Variants in HCN1 observed in about 807,000 individuals in gnomAD.
HCN1 encodes the protein hyperpolarization activated cyclic nucleotide gated potassium channel 1, also known as potassium/sodium hyperpolarization-activated cyclic nucleotide-gated channel 1.
A neutral mutation model predicts 78.9 loss-of-function variants in HCN1; 13 were observed. The observed-to-expected ratio is 0.16, with a 90% CI of 0.11 to 0.26. The LOEUF (loss-of-function observed/expected upper bound fraction) is 0.26. Among genes scored for constraint, HCN1 ranks in the 10% least tolerant of loss-of-function variants. The pLI, the probability that HCN1 is intolerant of heterozygous loss-of-function variation, is 1.00. For synonymous variants in HCN1, 552 were observed against 455.5 expected, an observed-to-expected ratio of 1.21 and a Z score of -2.70; for missense variants, 810 against 1,154.3, an observed-to-expected ratio of 0.70 and a Z score of 4.32.
At chr5:45,622,539 G>A (rs900870311) in intron 2 of HCN1, among the ~76,000 whole-genome samples, 12 of 152,214 alleles carry the variant, frequency 7.9e-5, no homozygotes, top group African/African-American at 2.6e-4. Context: ...GCTGGAGAGA[G>A]AGAGACAATT....
intron 2 of HCN1, among the ~76,000 whole-genome samples, chr5:45,472,258 C>T (rs2111653565): frequency 6.6e-6 from 1 of 151,948 alleles, no homozygotes; most frequent in Non-Finnish European, 1.5e-5. Flanking sequence ...CTTATTCATA[C>T]TCAAATGTTG....
Position 45,262,184 on chromosome 5 carries a change from G to C in HCN1, c.2410C>G (p.Pro804Ala). The C allele has an allele frequency of 6.2e-7, 1 of 1,614,050 alleles. No individual in the cohort carries two copies. The highest frequency in any genetic ancestry group is 8.5e-7 in the Non-Finnish European group (1 of 1,180,034). ...AGGGACTCGCCCACAGTGGGATGAG[G>C]TCTGGAAATCAGAGTGGACACCTCA... ...PHEVSTLISRPHPTVGESLAS... is the reference protein window; with the variant it reads ...PHEVSTLISRAHPTVGESLAS... Residue 804 changes from proline to alanine, a missense_variant, in exon 8 of 8, where the codon CCT becomes GCT. Physicochemically the swap from Pro to Ala is conservative, Grantham distance 27. Around this residue, in one of 6 missense-constraint regions of HCN1, gnomAD observed 398 missense variants for 381.3 expected, o/e 1.04. Coordinates refer to ENST00000303230, the MANE Select transcript of HCN1 (RefSeq NM_021072.4).
chr5:45,282,636 C>A (rs1745191361), intron 6 of HCN1, among the ~76,000 whole-genome samples: 1 of 152,192 alleles, frequency 6.6e-6, no homozygotes, highest in Non-Finnish European at 1.5e-5. Context: ...ATGTTTCCAA[C>A]TAGTACTGTC....
intron 6 of HCN1, among the ~76,000 whole-genome samples, 170 bp downstream of exon 6, chr5:45,303,429 G>A (rs975776204): frequency 6.6e-6 from 1 of 152,074 alleles, no homozygotes; most frequent in Non-Finnish European, 1.5e-5. Flanking sequence ...CACACACATT[G>A]AGCCTGTGAC....
At chr5:45,336,597 G>C (rs1419423947) in intron 5 of HCN1, among the ~76,000 whole-genome samples, 1 of 152,030 alleles carries the variant, frequency 6.6e-6, no homozygotes, top group East Asian at 1.9e-4. Flanking sequence ...TGTTTGATGA[G>C]TCATTGACAT....
chr5:45,469,274 A>G (rs1182057975), intron 2 of HCN1, among the ~76,000 whole-genome samples: 1 of 151,964 alleles, frequency 6.6e-6, no homozygotes, highest in African/African-American at 2.4e-5. Flanking sequence ...GCATAACCTC[A>G]TATGCTTAAT....
chr5:45,347,570 C>G (rs573742602), intron 5 of HCN1, among the ~76,000 whole-genome samples: 1 of 152,218 alleles, frequency 6.6e-6, no homozygotes, highest in African/African-American at 2.4e-5. Flanking sequence ...CTACTCCGAG[C>G]TACAGGAGGA....
chr5:45,425,838 TTAAC>T (rs1480503047), intron 3 of HCN1, among the ~76,000 whole-genome samples: 2 of 152,192 alleles, frequency 1.3e-5, no homozygotes, highest in East Asian at 1.9e-4. Context: ...GGCTGGCAGA[TTAAC>T]TAAGGGATTT....
At chr5:45,566,873 A>G (rs1743718263) in intron 2 of HCN1, among the ~76,000 whole-genome samples, 1 of 152,184 alleles carries the variant, frequency 6.6e-6, no homozygotes, top group Non-Finnish European at 1.5e-5. Flanking sequence ...AACTTTGAAC[A>G]AGGACAAGTC....
chr5:45,324,897 C>A (rs966294613), intron 5 of HCN1, among the ~76,000 whole-genome samples: 1 of 151,678 alleles, frequency 6.6e-6, no homozygotes, highest in South Asian at 2.1e-4. Context: ...AATAAAACAT[C>A]ATTATCTTGT....
intron 2 of HCN1, among the ~76,000 whole-genome samples, chr5:45,516,971 A>T (rs1742527106): frequency 6.6e-6 from 1 of 152,026 alleles, no homozygotes; most frequent in Non-Finnish European, 1.5e-5. Context: ...CAGGAGCAGA[A>T]GTCTGCAGAC....
intron 1 of HCN1, among the ~76,000 whole-genome samples, chr5:45,658,980 T>C (rs1321507243): frequency 1.3e-5 from 2 of 148,890 alleles, no homozygotes; most frequent in African/African-American, 2.5e-5. Flanking sequence ...CCTGCCTCTG[T>C]AGGCTCCACC....
At chr5:45,296,565 G>T (rs1745498700) in intron 6 of HCN1, among the ~76,000 whole-genome samples, 2 of 151,696 alleles carry the variant, frequency 1.3e-5, no homozygotes, top group Non-Finnish European at 2.9e-5. Flanking sequence ...TAGCAAAATA[G>T]ACTAAAGAAA....
rs1046776083 is a variant in HCN1, at chr5:45,686,804, G to A, written c.425+8865C>T. ...TACCCTGAAGGCCTTCCTCCAGAAC[G>A]CTTTGCTTTACCGCCCCAGTCTGGA... On this transcript the variant is annotated intron_variant, in intron 1 of 7. Coordinates refer to ENST00000303230, the MANE Select transcript of HCN1 (RefSeq NM_021072.4). 1.2e-4 allele frequency among the ~76,000 whole-genome samples: 19 copies of A among 152,142 alleles called. 1 individual carries two copies. Among genetic ancestry groups the A allele is most frequent in the Non-Finnish European group, 1.9e-4 (13 of 67,994 alleles).
intron 3 of HCN1, among the ~76,000 whole-genome samples, chr5:45,444,135 A>C (rs967187396): frequency 6.6e-6 from 1 of 152,182 alleles, no homozygotes; most frequent in African/African-American, 2.4e-5. Flanking sequence ...CACTTTTGGC[A>C]GGTTTTTATA....
intron 2 of HCN1, among the ~76,000 whole-genome samples, chr5:45,602,260 C>A (rs186775101): frequency 6.6e-6 from 1 of 152,180 alleles, no homozygotes; most frequent in East Asian, 1.9e-4. Flanking sequence ...GAGATAAGGT[C>A]TTTGAAGAAG....
chr5:45,508,844 A>G (rs1742356886), intron 2 of HCN1, among the ~76,000 whole-genome samples: 1 of 152,150 alleles, frequency 6.6e-6, no homozygotes, highest in Non-Finnish European at 1.5e-5. Context: ...GTTGTGCCCA[A>G]GGGTTTGGCT....
intron 3 of HCN1, among the ~76,000 whole-genome samples, chr5:45,426,724 G>A (rs1017212251): frequency 6.6e-6 from 1 of 152,108 alleles, no homozygotes; most frequent in African/African-American, 2.4e-5. Context: ...CAGTCCCTGA[G>A]AAGAATTCAG....
intron 1 of HCN1, among the ~76,000 whole-genome samples, chr5:45,678,534 A>G (rs528545266): frequency 1.3e-5 from 2 of 152,064 alleles, no homozygotes; most frequent in South Asian, 4.1e-4. Flanking sequence ...TTGTGGCTAA[A>G]GTTTTAGAGC....
Sources: gnomAD v4.1 joint callset for allele counts (sites outside exome capture counted in the v4.1 genomes callset) on GRCh38, gnomAD v4.1.1 for gene constraint, gnomAD v4.1.1 regional missense constraint, MANE v1.5 for transcripts, NCBI Gene and HGNC (gene_info 2026-07-23, HGNC 2026-07-21) for gene names.